DTNA: variants seen among roughly 807,000 people sequenced by gnomAD.
DTNA encodes the protein dystrobrevin alpha.
Under a neutral mutation model 100.7 loss-of-function variants are expected in DTNA, and 43 were observed. That is an observed-to-expected ratio of 0.43 (90% confidence interval 0.33 to 0.55). DTNA has a LOEUF of 0.55. Ranked by LOEUF, DTNA falls within the 20% of genes least tolerant of loss-of-function variation. The probability of loss-of-function intolerance (pLI) is 0.04; values close to 1 mark genes in which losing one functional copy is unlikely to be tolerated. For missense variants in DTNA, 798 were observed against 953.9 expected, an observed-to-expected ratio of 0.84 and a Z score of 2.15; for synonymous variants, 349 against 347.9, an observed-to-expected ratio of 1.00 and a Z score of -0.04.
chr18:34,571,195 A>G (rs2047552816), intron 1 of DTNA, among the ~76,000 whole-genome samples: 2 of 152,200 alleles, frequency 1.3e-5, no homozygotes, highest in South Asian at 4.1e-4. Context: ...CTACAGAGCA[A>G]AAGCACCCAA....
chr18:34,635,105 G>A (rs2058522760), intron 1 of DTNA, among the ~76,000 whole-genome samples: 1 of 151,954 alleles, frequency 6.6e-6, no homozygotes, highest in Non-Finnish European at 1.5e-5. Flanking sequence ...TTCCACATTT[G>A]AGATCATGTG....
intron 1 of DTNA, among the ~76,000 whole-genome samples, chr18:34,596,273 G>T (rs1325951634): frequency 6.6e-6 from 1 of 152,140 alleles, no homozygotes; most frequent in East Asian, 1.9e-4. Context: ...GCAGTGACAT[G>T]ACGCGATTGA....
chr18:34,777,652 T>G (rs565957760), intron 3 of DTNA, among the ~76,000 whole-genome samples: 2 of 152,278 alleles, frequency 1.3e-5, no homozygotes, highest in African/African-American at 4.8e-5. Context: ...GCAAGTACCT[T>G]CTTCACAAGG....
intron 16 of DTNA, among the ~76,000 whole-genome samples, chr18:34,863,360 A>G (rs1485616083): frequency 6.6e-6 from 1 of 152,240 alleles, no homozygotes; most frequent in Admixed American, 6.5e-5. Flanking sequence ...TATCATCTTC[A>G]CTTGTTGAAC....
At chr18:34,501,057 C>G (rs2509593) in intron 1 of DTNA, among the ~76,000 whole-genome samples, 152,125 of 152,350 alleles carry the variant, frequency 1, 75,953 homozygotes, top group Middle Eastern at 1. Flanking sequence ...AAAGCATTCA[C>G]TCTTTCTGCA....
intron 1 of DTNA, among the ~76,000 whole-genome samples, chr18:34,495,000 C>T (rs2039031127): frequency 2.0e-5 from 3 of 152,112 alleles, no homozygotes; most frequent in South Asian, 4.2e-4. Context: ...AATTCTTAGA[C>T]CACCAAGGGA....
In DTNA at chr18:34,526,485, T is replaced by C. The variant is rs1478144206; in HGVS notation, c.-2+32971T>C. 3.9e-5 allele frequency among the ~76,000 whole-genome samples: 6 copies of C among 152,230 alleles called. No individual in the cohort carries two copies. The South Asian group carries it at 6.2e-4, about 16-fold the overall frequency. On this transcript the variant is annotated intron_variant, in intron 1 of 19. Coordinates refer to the DTNA transcript ENST00000283365. ...CCTCTATCAAGGGTTTTGGTGAGTA[T>C]GTGTATACTAAATATAAAATACTGA...
At chr18:34,771,364 T>C (rs566003117) in intron 3 of DTNA, among the ~76,000 whole-genome samples, 2 of 152,098 alleles carry the variant, frequency 1.3e-5, no homozygotes, top group South Asian at 4.2e-4. Flanking sequence ...CGGGGCGTGG[T>C]GGCGGGCGCC....
chr18:34,683,820 T>C (rs921259817), intron 1 of DTNA: 4 of 152,270 alleles, frequency 2.6e-5, no homozygotes, highest in East Asian at 3.9e-4. Flanking sequence ...CTTTTGGAAA[T>C]AGGATTTTAT....
chr18:34,745,531 G>A (rs1266414735), intron 1 of DTNA, among the ~76,000 whole-genome samples: 1 of 152,130 alleles, frequency 6.6e-6, no homozygotes, highest in East Asian at 1.9e-4. Flanking sequence ...GGGATTTTCA[G>A]GATGCGAGTT....
chr18:34,688,163 T>G (rs2079182299), intron 1 of DTNA, among the ~76,000 whole-genome samples: 1 of 152,208 alleles, frequency 6.6e-6, no homozygotes, highest in Non-Finnish European at 1.5e-5. Context: ...TATTGTTATG[T>G]GTGAATTTGA....
chr18:34,691,442 A>T (rs1429049984), intron 1 of DTNA, among the ~76,000 whole-genome samples: 8 of 152,214 alleles, frequency 5.3e-5, no homozygotes, highest in Admixed American at 5.2e-4. Context: ...TACTTCAAGG[A>T]CTAGGAAACA....
chr18:34,811,547 G>A (rs1440306640), intron 5 of DTNA, among the ~76,000 whole-genome samples: 1 of 152,164 alleles, frequency 6.6e-6, no homozygotes, highest in Non-Finnish European at 1.5e-5. Context: ...CTAGATAAAT[G>A]AATATACGCA....
At position 34,510,397 on chromosome 18, in the gene DTNA, G is replaced by T. The variant is rs184465623; in HGVS notation, c.-2+16883G>T. 3.0e-4 allele frequency among the ~76,000 whole-genome samples: 46 copies of T among 151,994 alleles called. 1 individual carries two copies. The East Asian group carries it at 7.4e-3, about 24-fold the overall frequency. On this transcript the variant is annotated intron_variant, in intron 1 of 19. Coordinates refer to the DTNA transcript ENST00000283365. ...GATGTGCTCCTAGCATAGTGAAATT[G>T]AAAACATTTTGGTTCCTTGCGTGTG...
At chr18:34,676,183 A>C (rs143456073) in intron 1 of DTNA, among the ~76,000 whole-genome samples, 1 of 152,308 alleles carries the variant, frequency 6.6e-6, no homozygotes, top group East Asian at 1.9e-4. Flanking sequence ...CTCTGTTTAA[A>C]TTGATATCAT....
intron 1 of DTNA, among the ~76,000 whole-genome samples, chr18:34,533,878 T>G (rs1452620232): frequency 6.6e-6 from 1 of 152,164 alleles, no homozygotes; most frequent in African/African-American, 2.4e-5. Flanking sequence ...TTAGCTTTTC[T>G]GTGTTGCTTA....
chr18:34,634,938 A>AG (rs2058500677), intron 1 of DTNA, among the ~76,000 whole-genome samples: 1 of 152,290 alleles, frequency 6.6e-6, no homozygotes, highest in Non-Finnish European at 1.5e-5. Flanking sequence ...CATCAGTGCA[A>AG]ATGGTAACAC....
chr18:34,674,593 C>T (rs548609137), intron 1 of DTNA, among the ~76,000 whole-genome samples: 37 of 152,228 alleles, frequency 2.4e-4, no homozygotes, highest in South Asian at 1.2e-3. Flanking sequence ...GCCACTTTGA[C>T]GTTCTTAGGC....
At chr18:34,873,239 T>C (rs2096782734) in intron 17 of DTNA, among the ~76,000 whole-genome samples, 1 of 152,192 alleles carries the variant, frequency 6.6e-6, no homozygotes, top group South Asian at 2.1e-4. Flanking sequence ...TGGAAGACAA[T>C]CTGAGTTCCC....
Sources: allele counts gnomAD v4.1 joint callset (sites outside exome capture counted in the v4.1 genomes callset), GRCh38; gene constraint gnomAD v4.1.1; transcripts MANE v1.5; gene names NCBI Gene and HGNC (gene_info 2026-07-23, HGNC 2026-07-21).